PSME4: variants seen among roughly 807,000 people sequenced by gnomAD.
PSME4 encodes the protein proteasome activator complex subunit 4.
PSME4 carries 89 observed loss-of-function variants against 253.9 expected under a neutral mutation model. That is an observed-to-expected ratio of 0.35 (90% CI 0.30 to 0.42). The LOEUF (loss-of-function observed/expected upper bound fraction) is 0.42. Ranked by LOEUF, PSME4 falls within the 10% of genes least tolerant of loss-of-function variation. The pLI is 1.00. For missense variants in PSME4, 2,014 were observed against 2,195.2 expected (o/e 0.92, Z 1.65); for synonymous variants, 851 against 759.2 (o/e 1.12, Z -1.99).
intron 8 of PSME4, 26 bp downstream of exon 8, chr2:53,934,579 G>A (rs550182619): frequency 4.4e-6 from 7 of 1,589,852 alleles, no homozygotes; most frequent in African/African-American, 1.3e-5. Context: ...GTAAACTACA[G>A]AAAACAAATA....
At chr2:53,950,714 G>T (rs928176898) in intron 1 of PSME4, among the ~76,000 whole-genome samples, 1 of 152,106 alleles carries the variant, frequency 6.6e-6, no homozygotes, top group Admixed American at 6.5e-5. Context: ...GGTGGCACAT[G>T]CCTGTAATCC....
intron 3 of PSME4, among the ~76,000 whole-genome samples, chr2:53,947,134 G>A (rs1669749006): frequency 1.3e-5 from 2 of 152,090 alleles, no homozygotes; most frequent in African/African-American, 4.8e-5. Flanking sequence ...AACCAATTAG[G>A]ACCTAAGTTG....
intron 3 of PSME4, among the ~76,000 whole-genome samples, chr2:53,943,574 C>G (rs946067307): frequency 6.6e-6 from 1 of 152,182 alleles, no homozygotes; most frequent in Non-Finnish European, 1.5e-5. Flanking sequence ...GGTGCAGTGG[C>G]TCATGCCTGT....
chr2:53,882,615 A>C (rs546686494), intron 41 of PSME4, among the ~76,000 whole-genome samples: 41 of 152,310 alleles, frequency 2.7e-4, no homozygotes, highest in African/African-American at 9.4e-4. Context: ...CATGGAGATG[A>C]ATTTGATCCA....
At chr2:53,889,308 A>G (rs1573221413) in intron 37 of PSME4, among the ~76,000 whole-genome samples, 1 of 152,228 alleles carries the variant, frequency 6.6e-6, no homozygotes, top group African/African-American at 2.4e-5. Context: ...TAGTATTTAC[A>G]TATAACCTAT....
intron 3 of PSME4, 150 bp from the exon 4 acceptor site, chr2:53,940,150 C>T: frequency 1.8e-6 from 1 of 564,826 alleles, no homozygotes; most frequent in Non-Finnish European, 2.9e-6. Flanking sequence ...ACAAACGGAA[C>T]TGCAAGGATT....
intron 41 of PSME4, among the ~76,000 whole-genome samples, chr2:53,877,247 CAAAAAAA>C (rs1204678801): frequency 0.017 from 869 of 50,404 alleles, 13 homozygotes; most frequent in African/African-American, 0.05. Context: ...CCTGCCTCTA[CAAAAAAA>C]AAAAAAAAAA....
intron 4 of PSME4, among the ~76,000 whole-genome samples, chr2:53,938,548 G>C (rs1175148135): frequency 6.7e-6 from 1 of 149,202 alleles, no homozygotes; most frequent in African/African-American, 2.5e-5. Context: ...AAACTGAAGT[G>C]ATCCTCCCAC....
intron 1 of PSME4, among the ~76,000 whole-genome samples, chr2:53,949,863 A>AT (rs1669895352): frequency 6.6e-6 from 1 of 152,210 alleles, no homozygotes; most frequent in Non-Finnish European, 1.5e-5. Context: ...CTTGATACTT[A>AT]TTTTTAATGA....
intron 35 of PSME4, among the ~76,000 whole-genome samples, chr2:53,893,284 T>C (rs1367056989): frequency 2.6e-5 from 4 of 152,098 alleles, no homozygotes; most frequent in African/African-American, 9.7e-5. Context: ...TAAAGATAAA[T>C]ACAGTCATCC....
In PSME4 at chr2:53,959,536, T is replaced by C. The variant is rs958846625; in HGVS notation, c.243-10253A>G. On this transcript the variant is annotated intron_variant, in intron 1 of 46. Coordinates refer to ENST00000404125, the MANE Select transcript of PSME4 (RefSeq NM_014614.3). Reference sequence around the variant, plus strand: ...CCCACCCAAAATAAACACTTCACCATAGCTATATCAGTTCCAGTCTTTTCC... The same window carrying C: ...CCCACCCAAAATAAACACTTCACCACAGCTATATCAGTTCCAGTCTTTTCC... Among the ~76,000 whole-genome samples, 7 of 152,162 alleles carry C rather than the reference T, an allele frequency of 4.6e-5. No homozygotes were observed. The South Asian group carries it at 8.3e-4, about 18-fold the overall frequency.
At chr2:53,958,259 G>C (rs1409658331) in intron 1 of PSME4, among the ~76,000 whole-genome samples, 1 of 151,876 alleles carries the variant, frequency 6.6e-6, no homozygotes, top group Admixed American at 6.6e-5. Context: ...GGGAGGCTGA[G>C]GTGGGAGAAC....
intron 1 of PSME4, among the ~76,000 whole-genome samples, chr2:53,950,616 T>C (rs999206520): frequency 3.3e-5 from 5 of 151,866 alleles, no homozygotes; most frequent in East Asian, 3.9e-4. Context: ...CCGACGTGGG[T>C]GGATTACCTG....
intron 22 of PSME4, 62 bp from the exon 23 acceptor site, chr2:53,908,627 AGG>A: frequency 1.3e-6 from 2 of 1,529,820 alleles, no homozygotes; most frequent in Non-Finnish European, 1.8e-6. Context: ...AAGAATCTTG[AGG>A]CATTAGTCAA....
chr2:53,887,734 C>G (rs1679706538), intron 39 of PSME4, 124 bp downstream of exon 39: 2 of 1,242,034 alleles, frequency 1.6e-6, no homozygotes, highest in East Asian at 2.5e-5. Context: ...CAATAGCAAA[C>G]AATTTGAGAA....
At chr2:53,934,871 C>A in intron 7 of PSME4, 144 bp from the exon 8 acceptor site, 1 of 656,656 alleles carries the variant, frequency 1.5e-6, no homozygotes, top group Non-Finnish European at 2.5e-6. Context: ...TATTTAGTAA[C>A]TTGCTTTATT....
At chr2:53,927,276 C>T (rs1055991411) in intron 12 of PSME4, 118 bp downstream of exon 12, 1 of 736,658 alleles carries the variant, frequency 1.4e-6, no homozygotes, top group African/African-American at 1.7e-5. Context: ...ATGTACCATT[C>T]TAGTCACAAA....
intron 41 of PSME4, among the ~76,000 whole-genome samples, chr2:53,883,604 A>T (rs1174739408): frequency 2.0e-5 from 3 of 152,226 alleles, no homozygotes; most frequent in Admixed American, 6.5e-5. Flanking sequence ...AACTTTGGAC[A>T]GTTGAAAATA....
chr2:53,924,162 C>T (rs765475697), intron 14 of PSME4, among the ~76,000 whole-genome samples: 1 of 152,118 alleles, frequency 6.6e-6, no homozygotes, highest in Non-Finnish European at 1.5e-5. Flanking sequence ...AGTCATGTCA[C>T]AAAACTTTAA....
Sources: allele counts gnomAD v4.1 joint callset (sites outside exome capture counted in the v4.1 genomes callset), GRCh38; gene constraint gnomAD v4.1.1; transcripts MANE v1.5; gene names NCBI Gene and HGNC (gene_info 2026-07-23, HGNC 2026-07-21).